The following PEX5L variants were observed in gnomAD, a reference collection of about 807,000 sequenced individuals.
PEX5L encodes the protein PEX5-related protein.
A neutral mutation model predicts 84.0 loss-of-function variants in PEX5L; 30 were observed. The ratio of observed to expected loss-of-function variants is 0.36; its 90% CI spans 0.27 to 0.48. PEX5L has a LOEUF of 0.48. Among genes scored for constraint, PEX5L ranks in the 20% least tolerant of loss-of-function variants. The pLI, the probability that PEX5L is intolerant of heterozygous loss-of-function variation, is 0.99. For synonymous variants in PEX5L, 270 were observed against 283.1 expected (o/e 0.95, Z 0.46); for missense variants, 533 against 754.6 (o/e 0.71, Z 3.44).
intron 1 of PEX5L, among the ~76,000 whole-genome samples, chr3:179,987,267 TCTTC>T (rs1486448974): frequency 3.3e-5 from 5 of 150,972 alleles, no homozygotes; most frequent in Admixed American, 6.6e-5. Context: ...TTCCTTCCTT[TCTTC>T]CTTCCTTCCT....
intron 8 of PEX5L, among the ~76,000 whole-genome samples, chr3:179,856,991 T>C (rs1391182315): frequency 6.6e-6 from 1 of 152,246 alleles, no homozygotes; most frequent in East Asian, 1.9e-4. Flanking sequence ...TGCTAAGTAA[T>C]GCTGGATCAT....
At chr3:179,840,281 C>A (rs776921486) in intron 8 of PEX5L, among the ~76,000 whole-genome samples, 3 of 149,408 alleles carry the variant, frequency 2.0e-5, no homozygotes, top group Non-Finnish European at 4.4e-5. Context: ...CTCCGTCTCC[C>A]AGGTTCAAGT....
chr3:180,000,849 C>T (rs1015925269), intron 1 of PEX5L, among the ~76,000 whole-genome samples: 6 of 151,952 alleles, frequency 3.9e-5, no homozygotes, highest in African/African-American at 1.5e-4. Context: ...GTAATTATGA[C>T]CTTATTATTG....
Position 179,973,937 on chromosome 3 carries a change from A to T in PEX5L, c.22-2272T>A, listed in dbSNP as rs1785398111. ...AGCCTTACAGTTTTACTCTAGAATT[A>T]AGCAATATTTTCTAGTTCACCCCAT... is the stretch of plus-strand genomic sequence containing the variant. On this transcript the variant is annotated intron_variant, in intron 1 of 14. Coordinates refer to ENST00000467460, the MANE Select transcript of PEX5L (RefSeq NM_016559.3). The T allele has an allele frequency of 5.1e-6, 5 of 985,382 alleles. No homozygotes were observed. The South Asian group carries it at 2.3e-4, about 46-fold the overall frequency. 61.0% of individuals were successfully genotyped at this position (985,382 alleles called of 1,614,324 possible). A position where few individuals can be genotyped will look rare whatever the true frequency, so the allele number is the denominator to read the frequency against.
At chr3:179,969,834 C>T (rs1453909090) in intron 2 of PEX5L, among the ~76,000 whole-genome samples, 1 of 152,102 alleles carries the variant, frequency 6.6e-6, no homozygotes, top group Non-Finnish European at 1.5e-5. Flanking sequence ...ATTGAATCCA[C>T]CCTCATTTGA....
At chr3:179,936,564 A>T (rs1774680163) in intron 2 of PEX5L, among the ~76,000 whole-genome samples, 1 of 36,526 alleles carries the variant, frequency 2.7e-5, no homozygotes, top group African/African-American at 1.0e-4. Context: ...TGAGTAACTT[A>T]ATTCTGCCCT....
At position 179,872,576 on chromosome 3, in the gene PEX5L, G is replaced by A. The variant is rs192970731; in HGVS notation, c.726+1751C>T. ...AAGGTGTACTGATGGGTAAGAGGAA[G>A]GACAGTTTGGTGGGACGAAATCAGA... On this transcript the variant is annotated intron_variant, in intron 7 of 14. Coordinates refer to ENST00000467460, the MANE Select transcript of PEX5L (RefSeq NM_016559.3). Among the ~76,000 whole-genome samples, 99 of 152,280 alleles carry A rather than the reference G, an allele frequency of 6.5e-4. No individual in the cohort carries two copies. The East Asian group carries it at 0.017, about 26-fold the overall frequency.
At chr3:179,899,678 C>G (rs1488131741) in intron 2 of PEX5L, among the ~76,000 whole-genome samples, 2 of 152,080 alleles carry the variant, frequency 1.3e-5, no homozygotes, top group African/African-American at 4.8e-5. Context: ...CAAAGAAAAA[C>G]TTTTTGTATA....
In PEX5L at chr3:179,808,356, T is replaced by A. The variant is rs1268934874; in HGVS notation, c.1434A>T (p.Thr478=). ...TCAGGTGGAACAGAACCCCTAGACCTGTCTGCAGGTCTGGGTCGATCATAT... is the reference window on the plus strand; with the variant it reads ...TCAGGTGGAACAGAACCCCTAGACCAGTCTGCAGGTCTGGGTCGATCATAT... ...NGDMIDPDLQ[T]GLGVLFHLSG... The change falls in exon 13 of 15, where the codon ACA becomes ACT. Residue 478 remains threonine (T), a synonymous_variant. Coordinates refer to ENST00000467460, the MANE Select transcript of PEX5L (RefSeq NM_016559.3). 4 of 1,603,050 alleles carry A rather than the reference T, an allele frequency of 2.5e-6. No individual in the cohort carries two copies. Among genetic ancestry groups the A allele is most frequent in the Non-Finnish European group, 3.4e-6 (4 of 1,175,394 alleles).
intron 7 of PEX5L, among the ~76,000 whole-genome samples, chr3:179,867,607 G>T (rs138810451): frequency 4.7e-4 from 72 of 152,250 alleles, no homozygotes; most frequent in African/African-American, 1.4e-3. Flanking sequence ...TATTGATAGT[G>T]TATCTAATAG....
chr3:179,802,159 G>C, intron 14 of PEX5L, 127 bp from the exon 15 acceptor site: 1 of 674,010 alleles, frequency 1.5e-6, no homozygotes, highest in Non-Finnish European at 2.6e-6. Flanking sequence ...TACGTGTTCT[G>C]GATGATCAAA....
At chr3:179,834,305 C>A (rs1734200187) in intron 8 of PEX5L, among the ~76,000 whole-genome samples, 1 of 152,228 alleles carries the variant, frequency 6.6e-6, no homozygotes, top group Admixed American at 6.5e-5. Flanking sequence ...TTGAATTCCA[C>A]CCAGGTGCCT....
chr3:180,009,066 G>A (rs138451819), intron 1 of PEX5L, among the ~76,000 whole-genome samples: 63 of 152,202 alleles, frequency 4.1e-4, no homozygotes, highest in Middle Eastern at 6.8e-3. Flanking sequence ...ATTTCTAATT[G>A]GTTAAAGGCC....
At chr3:180,001,208 A>G (rs562969612) in intron 1 of PEX5L, among the ~76,000 whole-genome samples, 4 of 152,040 alleles carry the variant, frequency 2.6e-5, no homozygotes, top group Admixed American at 1.3e-4. Context: ...TCGGACTCCA[A>G]GTTCTTCTGT....
At chr3:179,863,611 C>G (rs1000892500) in intron 7 of PEX5L, among the ~76,000 whole-genome samples, 1 of 152,060 alleles carries the variant, frequency 6.6e-6, no homozygotes, top group Non-Finnish European at 1.5e-5. Context: ...TAGGGAAATG[C>G]AAGTTAAAAC....
intron 12 of PEX5L, among the ~76,000 whole-genome samples, chr3:179,808,902 G>C (rs1233395839): frequency 6.6e-6 from 1 of 151,316 alleles, no homozygotes; most frequent in Non-Finnish European, 1.5e-5. Flanking sequence ...GTGAAACCCC[G>C]TCTCTACTAA....
chr3:179,859,165 C>T lies in PEX5L; in HGVS notation c.727-8G>A, dbSNP rs199849965. The T allele has an allele frequency of 3.2e-6, 5 of 1,580,304 alleles. No individual in the cohort carries two copies. Among genetic ancestry groups the T allele is most frequent in the Non-Finnish European group, 4.4e-6 (5 of 1,149,204 alleles). Reference sequence around the variant, plus strand: ...TTCTTTGGTCAGTCGAGCCTGAAATCAATCATACACATAGTGTTATAATAT... The same window carrying T: ...TTCTTTGGTCAGTCGAGCCTGAAATTAATCATACACATAGTGTTATAATAT... On this transcript the variant is annotated splice_polypyrimidine_tract_variant and splice_region_variant and intron_variant, in intron 7 of 14. Coordinates refer to ENST00000467460, the MANE Select transcript of PEX5L (RefSeq NM_016559.3).
intron 2 of PEX5L, among the ~76,000 whole-genome samples, chr3:179,911,221 G>A (rs147735256): frequency 7.9e-5 from 12 of 152,250 alleles, no homozygotes; most frequent in African/African-American, 2.6e-4. Flanking sequence ...GCCTTTTCTC[G>A]TGTGTTATTC....
intron 8 of PEX5L, among the ~76,000 whole-genome samples, chr3:179,827,239 G>A (rs1730848465): frequency 6.6e-6 from 1 of 152,134 alleles, no homozygotes; most frequent in East Asian, 1.9e-4. Flanking sequence ...CGTGACTTTT[G>A]AGGCTAGGCC....
Sources: gnomAD v4.1 joint callset for allele counts (sites outside exome capture counted in the v4.1 genomes callset) on GRCh38, gnomAD v4.1.1 for gene constraint, MANE v1.5 for transcripts, NCBI Gene and HGNC (gene_info 2026-07-23, HGNC 2026-07-21) for gene names.